The following ADGRV1 variants were observed in gnomAD, a reference collection of about 807,000 sequenced individuals.
The protein encoded by ADGRV1 is G-protein coupled receptor 98.
Under a neutral mutation model 596.2 loss-of-function variants are expected in ADGRV1, and 359 were observed. That is an observed-to-expected ratio of 0.60 (90% CI 0.55 to 0.66). The LOEUF is 0.66. ADGRV1 is among the 30% of genes least tolerant of loss of function. The pLI is 0.00. For missense variants in ADGRV1, 7,274 were observed against 7,575.6 expected (o/e 0.96, Z 1.48); for synonymous variants, 2,681 against 2,679.2 (o/e 1.00, Z -0.02).
chr5:91,052,076 T>C (rs1347294963), intron 85 of ADGRV1, among the ~76,000 whole-genome samples: 1 of 152,150 alleles, frequency 6.6e-6, no homozygotes, highest in Admixed American at 6.5e-5. Flanking sequence ...AACTTATTGG[T>C]TTTTCTTTTT....
In ADGRV1 at chr5:91,106,407, C is replaced by T. The variant is rs2126669637; in HGVS notation, c.18432+4067C>T. ...TTGAATTCTGATAGTACAATGCCTT[C>T]AGCTTTGTTCTTTTGCTTAGGATTG... On this transcript the variant is annotated intron_variant, in intron 87 of 89. Coordinates refer to ENST00000405460, the MANE Select transcript of ADGRV1 (RefSeq NM_032119.4). 1.3e-5 allele frequency among the ~76,000 whole-genome samples: 2 copies of T among 152,246 alleles called. 1 individual carries two copies. The highest frequency in any genetic ancestry group is 4.1e-4 in the South Asian group (2 of 4,828).
chr5:90,926,115 C>T (rs1350162403), intron 83 of ADGRV1, among the ~76,000 whole-genome samples: 8 of 143,082 alleles, frequency 5.6e-5, no homozygotes, highest in Non-Finnish European at 9.2e-5. Context: ...TGTCTCTGCC[C>T]GGCTTTGGTA....
At chr5:90,658,484 A>G (rs890791637) in intron 21 of ADGRV1, among the ~76,000 whole-genome samples, 5 of 152,218 alleles carry the variant, frequency 3.3e-5, no homozygotes, top group South Asian at 2.1e-4. Context: ...AGCTGATAGA[A>G]GTAATAACAA....
intron 85 of ADGRV1, among the ~76,000 whole-genome samples, chr5:90,987,035 A>T (rs1780552343): frequency 6.6e-6 from 1 of 152,222 alleles, no homozygotes; most frequent in Non-Finnish European, 1.5e-5. Context: ...TTTTAAAGGG[A>T]GAAATAAACT....
At position 90,625,131 on chromosome 5, in the gene ADGRV1, T is replaced by G. The variant is rs950784228; in HGVS notation, c.560T>G (p.Val187Gly). 1.1e-5 allele frequency: 18 copies of G among 1,597,170 alleles called. No homozygotes were observed. The highest frequency in any genetic ancestry group is 1.5e-5 in the Non-Finnish European group (18 of 1,166,184). Residue 187 changes from valine to glycine, a missense_variant and splice_region_variant, in exon 6 of 90, where the codon GTA (valine) becomes GGA (glycine). Physicochemically the swap from Val to Gly is moderately radical, Grantham distance 109. Transcript: ENST00000405460. ...TYGMVMVTFE[V>G]EGGPNPPDED... ...ATGGCATTTTGTGTTTCTTTGCAGG[T>G]AGAGGGTGGCCCAAATCCCCCTGAT...
chr5:90,974,764 C>T (rs569545227), intron 84 of ADGRV1, among the ~76,000 whole-genome samples: 64 of 152,292 alleles, frequency 4.2e-4, no homozygotes, highest in African/African-American at 1.3e-3. Context: ...AAAACCTAGG[C>T]AATACCATTC....
intron 1 of ADGRV1, among the ~76,000 whole-genome samples, chr5:90,562,486 A>G (rs1213882056): frequency 6.6e-6 from 1 of 152,168 alleles, no homozygotes. Flanking sequence ...CGGCTGTGGT[A>G]ATACAAAGGC....
chr5:90,796,392 G>A (rs932711747), intron 70 of ADGRV1, among the ~76,000 whole-genome samples: 3 of 151,772 alleles, frequency 2.0e-5, no homozygotes, highest in African/African-American at 7.3e-5. Flanking sequence ...TTGAAGATCA[G>A]CTTAATGAAG....
Position 90,684,095 on chromosome 5 carries a change from A to T in ADGRV1, c.6174A>T (p.Ile2058=), listed in dbSNP as rs370197017. Residue 2058 remains isoleucine, a synonymous_variant, in exon 28 of 90, where the codon ATA becomes ATT. Coordinates refer to ENST00000405460, the MANE Select transcript of ADGRV1 (RefSeq NM_032119.4). ...GAGCTAATCAGAGTGAGGCAACAATAGCTATTTCAATTTTGGATGATGATG... is the reference window on the plus strand; with the variant it reads ...GAGCTAATCAGAGTGAGGCAACAATTGCTATTTCAATTTTGGATGATGATG... ...LFGANQSEAT[I]AISILDDDEP... The T allele has an allele frequency of 5.3e-5, 86 of 1,613,820 alleles. No individual in the cohort carries two copies. The highest frequency in any genetic ancestry group is 7.1e-5 in the Non-Finnish European group (84 of 1,179,882).
chr5:90,585,251 TGA>T (rs1285673511), intron 1 of ADGRV1, among the ~76,000 whole-genome samples: 1 of 152,214 alleles, frequency 6.6e-6, no homozygotes, highest in Non-Finnish European at 1.5e-5. Context: ...GGGTAAAATC[TGA>T]GAGAGAATTT....
chr5:90,737,521 T>G (rs1268833305), intron 50 of ADGRV1, among the ~76,000 whole-genome samples: 3 of 151,974 alleles, frequency 2.0e-5, no homozygotes, highest in Non-Finnish European at 2.9e-5. Flanking sequence ...TTGTTAAAAG[T>G]GGGATACTGG....
Position 90,811,364 on chromosome 5 carries a change from A to C in ADGRV1, c.16078+26A>C, listed in dbSNP as rs1581198882. The C allele has an allele frequency of 2.0e-6, 3 of 1,534,586 alleles. No individual in the cohort carries two copies. In the African/African-American group the frequency reaches 4.2e-5, roughly 21 times the overall value. The stretch of plus-strand genomic sequence containing the variant: ...GTATATCTTTGAAATGATGGAGATA[A>C]AAATATACTTTTATGGTACATAATT... On this transcript the variant is annotated intron_variant, in intron 74 of 89. Coordinates refer to ENST00000405460, the MANE Select transcript of ADGRV1 (RefSeq NM_032119.4).
chr5:90,569,377 ATATATATATATTTTTTTTTTT>A (rs1756145051), intron 1 of ADGRV1, among the ~76,000 whole-genome samples: 2 of 21,704 alleles, frequency 9.2e-5, no homozygotes, highest in South Asian at 2.0e-3. Flanking sequence ...ATATATATAT[ATATATATATATTTTTTTTTTT>A]TTTTTTTTTT....
At position 90,720,157 on chromosome 5, in the gene ADGRV1, C is replaced by A. The variant is rs201511311; in HGVS notation, c.9557C>A (p.Thr3186Asn). 2 of 1,611,104 alleles carry A rather than the reference C, an allele frequency of 1.2e-6. No individual in the cohort carries two copies. The highest frequency in any genetic ancestry group is 1.3e-5 in the African/African-American group (1 of 74,980). The change falls in exon 44 of 90, where the codon ACC becomes AAC. Residue 3186 changes from threonine (T) to asparagine (N), a missense_variant. Thr to Asn is a moderately conservative substitution (Grantham distance 65). Coordinates refer to ENST00000405460, the MANE Select transcript of ADGRV1 (RefSeq NM_032119.4). The part of the protein sequence containing the change: ...GGARLGVHVQ[T>N]LITVLQNQAP... The stretch of plus-strand genomic sequence containing the variant: ...GCTAGACTAGGGGTGCATGTTCAAA[C>A]CCTGATAACAGTTTTGCAAAACCAG...
At chr5:91,032,609 T>C (rs1191340855) in intron 85 of ADGRV1, among the ~76,000 whole-genome samples, 1 of 151,996 alleles carries the variant, frequency 6.6e-6, no homozygotes, top group Non-Finnish European at 1.5e-5. Flanking sequence ...ACTAAGTCTC[T>C]TAATTATATA....
chr5:90,679,935 A>G (rs1166394730), intron 26 of ADGRV1, among the ~76,000 whole-genome samples: 1 of 152,196 alleles, frequency 6.6e-6, no homozygotes, highest in Admixed American at 6.5e-5. Flanking sequence ...TGTCATTTAT[A>G]AAAATGGTTG....
chr5:90,795,628 G>A (rs1449357982), intron 70 of ADGRV1, among the ~76,000 whole-genome samples: 4 of 152,188 alleles, frequency 2.6e-5, no homozygotes, highest in Non-Finnish European at 4.4e-5. Flanking sequence ...GGATCTCCCA[G>A]CACAGCGTTC....
At chr5:90,974,559 A>G (rs532831532) in intron 84 of ADGRV1, among the ~76,000 whole-genome samples, 2 of 152,308 alleles carry the variant, frequency 1.3e-5, no homozygotes, top group Admixed American at 1.3e-4. Context: ...GTCTACAACC[A>G]TCTGATCTTT....
chr5:91,067,981 T>A (rs1448883645), intron 85 of ADGRV1, among the ~76,000 whole-genome samples: 1 of 152,218 alleles, frequency 6.6e-6, no homozygotes, highest in African/African-American at 2.4e-5. Flanking sequence ...TCAGGTCTTA[T>A]TGCATACAGA....
Sources: allele counts gnomAD v4.1 joint callset (sites outside exome capture counted in the v4.1 genomes callset), GRCh38; gene constraint gnomAD v4.1.1; transcripts MANE v1.5; gene names NCBI Gene and HGNC (gene_info 2026-07-23, HGNC 2026-07-21).